The following RFC3 variants were observed in gnomAD, a reference collection of about 807,000 sequenced individuals.
RFC3 encodes A1 38 kDa subunit.
A neutral mutation model predicts 45.1 loss-of-function variants in RFC3; 41 were observed. The ratio of observed to expected loss-of-function variants is 0.91; its 90% confidence interval spans 0.71 to 1.18. The LOEUF is 1.18. Ranked by LOEUF, RFC3 falls within the 50% of genes most tolerant of loss-of-function variation. The pLI is 0.00. For synonymous variants in RFC3, 149 were observed against 144.0 expected (o/e 1.03, Z -0.25); for missense variants, 423 against 428.1 (o/e 0.99, Z 0.10).
At chr13:33,843,557 A>C (rs1668877921) in intron 8 of RFC3, among the ~76,000 whole-genome samples, 1 of 152,226 alleles carries the variant, frequency 6.6e-6, no homozygotes, top group Non-Finnish European at 1.5e-5. Context: ...TAGGCATGGA[A>C]AGAGCTTGAC....
intron 8 of RFC3, among the ~76,000 whole-genome samples, chr13:33,952,673 G>A (rs2082998125): frequency 6.6e-6 from 1 of 152,082 alleles, no homozygotes; most frequent in African/African-American, 2.4e-5. Context: ...TGAATGTTTT[G>A]GTCCTAGTTG....
chr13:33,948,418 G>A (rs796916290), intron 8 of RFC3, among the ~76,000 whole-genome samples: 7 of 152,326 alleles, frequency 4.6e-5, no homozygotes, highest in African/African-American at 1.4e-4. Context: ...TTCATGGGTG[G>A]AAACTTCATG....
intron 8 of RFC3, among the ~76,000 whole-genome samples, chr13:33,945,692 G>A (rs1223484564): frequency 2.0e-5 from 3 of 152,270 alleles, no homozygotes; most frequent in Admixed American, 6.5e-5. Context: ...ATGCCTTTAG[G>A]GATATACGCT....
At chr13:33,946,704 T>C (rs559796755) in intron 8 of RFC3, among the ~76,000 whole-genome samples, 2 of 152,212 alleles carry the variant, frequency 1.3e-5, no homozygotes, top group Non-Finnish European at 2.9e-5. Flanking sequence ...GGATGAAGTG[T>C]ATGAAGAAAA....
downstream of RFC3, among the ~76,000 whole-genome samples, chr13:33,840,996 C>T (rs1333584497): frequency 1.3e-5 from 2 of 152,198 alleles, no homozygotes; most frequent in Non-Finnish European, 2.9e-5. Context: ...CTGTTAGGAA[C>T]TGGGGCCACA....
chr13:33,942,544 C>T (rs1421622654), intron 8 of RFC3, among the ~76,000 whole-genome samples: 8 of 152,134 alleles, frequency 5.3e-5, no homozygotes, highest in Non-Finnish European at 1.0e-4. Context: ...GCAGTGGGCT[C>T]ATCCATATTT....
At chr13:33,962,898 A>C (rs2083066064) in intron 8 of RFC3, among the ~76,000 whole-genome samples, 1 of 152,156 alleles carries the variant, frequency 6.6e-6, no homozygotes, top group Admixed American at 6.5e-5. Flanking sequence ...TGTCATTATA[A>C]AATCAGAGGA....
At chr13:33,854,775 AACCC>A (rs2082298281) in intron 8 of RFC3, among the ~76,000 whole-genome samples, 1 of 152,162 alleles carries the variant, frequency 6.6e-6, no homozygotes. Context: ...GGGAAGAAAG[AACCC>A]ACAGTGATTT....
chr13:33,946,981 A>G (rs1250066691), intron 8 of RFC3, among the ~76,000 whole-genome samples: 5 of 152,234 alleles, frequency 3.3e-5, no homozygotes, highest in Non-Finnish European at 7.3e-5. Context: ...ACGTTCATCA[A>G]GATATGCATA....
chr13:33,913,932 A>C (rs1331265632), intron 8 of RFC3, among the ~76,000 whole-genome samples: 1 of 152,112 alleles, frequency 6.6e-6, no homozygotes. Context: ...TAAAACCATA[A>C]CCATGTAATT....
chr13:33,966,496 TTAA>T (rs1566045767), exon 9 of RFC3: 1 of 245,224 alleles, frequency 4.1e-6, no homozygotes, highest in Non-Finnish European at 8.0e-6. Context: ...TGTCATGTAT[TTAA>T]TAAGTACAAC....
At chr13:33,921,890 G>C (rs1179380501) in intron 8 of RFC3, among the ~76,000 whole-genome samples, 1 of 152,128 alleles carries the variant, frequency 6.6e-6, no homozygotes, top group Non-Finnish European at 1.5e-5. Flanking sequence ...ATAGAATTAA[G>C]GGAATTATAG....
intron 7 of RFC3, among the ~76,000 whole-genome samples, chr13:33,833,484 CTT>C (rs2082122532): frequency 6.6e-6 from 1 of 152,026 alleles, no homozygotes; most frequent in African/African-American, 2.4e-5. Context: ...AGTTTGTACT[CTT>C]AATCACTTGT....
chr13:33,884,233 T>C (rs926434388), intron 8 of RFC3, among the ~76,000 whole-genome samples: 7 of 152,236 alleles, frequency 4.6e-5, no homozygotes, highest in African/African-American at 1.2e-4. Context: ...TCCCATTCTT[T>C]AGATGCGTGC....
chr13:33,875,889 G>GT (rs1339146244), intron 8 of RFC3, among the ~76,000 whole-genome samples: 2 of 152,216 alleles, frequency 1.3e-5, no homozygotes, highest in Non-Finnish European at 2.9e-5. Flanking sequence ...CCTGGCATCA[G>GT]TTTCCTGAAG....
intron 8 of RFC3, chr13:33,850,094 A>G (rs1444912169): frequency 6.6e-6 from 1 of 152,100 alleles, no homozygotes; most frequent in East Asian, 1.9e-4. Context: ...TAACTTCTTG[A>G]TTTTCTTAAA....
At chr13:33,963,549 G>A (rs2083070026) in intron 8 of RFC3, among the ~76,000 whole-genome samples, 1 of 152,028 alleles carries the variant, frequency 6.6e-6, no homozygotes, top group South Asian at 2.1e-4. Flanking sequence ...GCAAAACTTA[G>A]AGACTCCAGA....
chr13:33,970,861 A>C (rs2083106783), downstream of RFC3, among the ~76,000 whole-genome samples: 1 of 152,336 alleles, frequency 6.6e-6, no homozygotes, highest in Admixed American at 6.5e-5. Context: ...CTACATGCAG[A>C]GACTGATCAG....
At position 33,853,384 on chromosome 13, in the gene RFC3, T is replaced by G. The variant is rs1318420212; in HGVS notation, c.879+18167T>G. 3.3e-5 allele frequency among the ~76,000 whole-genome samples: 5 copies of G among 152,188 alleles called. No individual in the cohort carries two copies. The East Asian group carries it at 9.6e-4, about 29-fold the overall frequency. ...TTATTAGAAAGAAATTGCTATCCCC[T>G]TGAGACAGAAAATCAACTAAATGAC... is the stretch of plus-strand genomic sequence containing the variant. On this transcript the variant is annotated intron_variant, in intron 8 of 8. Transcript: ENST00000434425.
Sources: gnomAD v4.1 joint callset for allele counts (sites outside exome capture counted in the v4.1 genomes callset) on GRCh38, gnomAD v4.1.1 for gene constraint, MANE v1.5 for transcripts, NCBI Gene and HGNC (gene_info 2026-07-23, HGNC 2026-07-21) for gene names.